Variants in GPATCH2 observed in about 807,000 individuals in gnomAD.
GPATCH2 encodes G patch domain-containing protein 2.
In GPATCH2, 51 loss-of-function variants were observed where a neutral mutation model predicts 58.0. The ratio of observed to expected loss-of-function variants is 0.88; its 90% CI spans 0.70 to 1.11. The LOEUF is 1.11. Among genes scored for constraint, GPATCH2 ranks in the 50% most tolerant of loss-of-function variants. The pLI is 0.00. For synonymous variants in GPATCH2, 222 were observed against 218.5 expected (o/e 1.02, Z -0.14); for missense variants, 625 against 652.2 (o/e 0.96, Z 0.45).
rs1663033268 is a variant in GPATCH2, at chr1:217,514,683, A to T, written c.1166+139T>A. ...TGGTTTTCGTTTAAGTTGTTCTTACATTATTATCAATGGTAAATTATACTT... is the reference window on the plus strand; with the variant it reads ...TGGTTTTCGTTTAAGTTGTTCTTACTTTATTATCAATGGTAAATTATACTT... On this transcript the variant is annotated intron_variant, in intron 6 of 9. Transcript: ENST00000366935. 2.3e-5 allele frequency: 11 copies of T among 473,304 alleles called. No individual in the cohort carries two copies. In the South Asian group the frequency reaches 6.5e-4, roughly 28 times the overall value. 29.3% of individuals were successfully genotyped at this position (473,304 alleles called of 1,614,324 possible).
chr1:217,576,741 T>C (rs1014721823), intron 5 of GPATCH2, among the ~76,000 whole-genome samples: 1 of 152,214 alleles, frequency 6.6e-6, no homozygotes, highest in Non-Finnish European at 1.5e-5. Context: ...CAGTACGGAT[T>C]TGGAATTCTA....
chr1:217,611,093 C>CG, intron 3 of GPATCH2, 22 bp from the exon 4 acceptor site: 1 of 1,589,656 alleles, frequency 6.3e-7, no homozygotes, highest in Non-Finnish European at 8.6e-7. Context: ...CAAGAAACCC[C>CG]CCCCCACCAA....
At chr1:217,449,899 G>A (rs1265571260) in intron 8 of GPATCH2, among the ~76,000 whole-genome samples, 1 of 152,058 alleles carries the variant, frequency 6.6e-6, no homozygotes, top group Non-Finnish European at 1.5e-5. Flanking sequence ...ATGCATTAAT[G>A]CTGGTCTACT....
chr1:217,462,274 G>A (rs1371509793), intron 8 of GPATCH2, among the ~76,000 whole-genome samples: 2 of 151,970 alleles, frequency 1.3e-5, no homozygotes, highest in Non-Finnish European at 2.9e-5. Flanking sequence ...CTTTTCTTTA[G>A]AAAAACATAC....
At chr1:217,550,898 T>C (rs1229925583) in intron 5 of GPATCH2, among the ~76,000 whole-genome samples, 1 of 150,848 alleles carries the variant, frequency 6.6e-6, no homozygotes, top group Non-Finnish European at 1.5e-5. Context: ...AAGTAAGGCA[T>C]GCAATAATTA....
At chr1:217,571,398 A>G (rs1008132106) in intron 5 of GPATCH2, among the ~76,000 whole-genome samples, 1 of 152,118 alleles carries the variant, frequency 6.6e-6, no homozygotes, top group African/African-American at 2.4e-5. Flanking sequence ...CCCTCCCCCA[A>G]AATGAAGCAT....
intron 5 of GPATCH2, among the ~76,000 whole-genome samples, chr1:217,539,200 A>G (rs891560186): frequency 1.3e-5 from 2 of 152,166 alleles, no homozygotes; most frequent in African/African-American, 4.8e-5. Context: ...ATTCTAATAT[A>G]TTAAGGCTAA....
chr1:217,535,112 G>A (rs906168481), intron 5 of GPATCH2, among the ~76,000 whole-genome samples: 2 of 152,184 alleles, frequency 1.3e-5, no homozygotes, highest in South Asian at 2.1e-4. Flanking sequence ...TTTCATAGAT[G>A]TTATAGCCCC....
chr1:217,434,283 G>A (rs1658705756), intron 9 of GPATCH2, among the ~76,000 whole-genome samples: 2 of 152,184 alleles, frequency 1.3e-5, no homozygotes, highest in Non-Finnish European at 2.9e-5. Context: ...TGTTGTGTGT[G>A]ACAGTGAAAA....
At chr1:217,530,892 T>C (rs1664154646) in intron 5 of GPATCH2, among the ~76,000 whole-genome samples, 1 of 152,116 alleles carries the variant, frequency 6.6e-6, no homozygotes, top group African/African-American at 2.4e-5. Flanking sequence ...GCTATAATAA[T>C]CGTCTCTAAA....
chr1:217,524,899 G>A (rs1663781007), intron 5 of GPATCH2, among the ~76,000 whole-genome samples: 4 of 3,044 alleles, frequency 1.3e-3, no homozygotes, highest in Non-Finnish European at 3.6e-3. Context: ...AGGGGGGAGG[G>A]GGGAGGGGGG....
At chr1:217,600,816 T>C (rs997480229) in intron 5 of GPATCH2, among the ~76,000 whole-genome samples, 2 of 152,096 alleles carry the variant, frequency 1.3e-5, no homozygotes, top group Non-Finnish European at 2.9e-5. Context: ...TTTAAAACAA[T>C]TTTCAAAGGT....
At chr1:217,457,576 T>G (rs1421763063) in intron 8 of GPATCH2, among the ~76,000 whole-genome samples, 1 of 152,120 alleles carries the variant, frequency 6.6e-6, no homozygotes, top group African/African-American at 2.4e-5. Flanking sequence ...ATACAATACA[T>G]GCAGAAGAAT....
chr1:217,489,413 A>G (rs1265920428), intron 8 of GPATCH2, among the ~76,000 whole-genome samples: 2 of 152,250 alleles, frequency 1.3e-5, no homozygotes, highest in Non-Finnish European at 2.9e-5. Flanking sequence ...CTAATGAAGT[A>G]GACATCTTAA....
At chr1:217,524,699 A>G (rs1259807150) in intron 5 of GPATCH2, among the ~76,000 whole-genome samples, 3 of 151,056 alleles carry the variant, frequency 2.0e-5, no homozygotes, top group Admixed American at 1.3e-4. Context: ...TCTCCACCCA[A>G]AAAATACGAA....
chr1:217,614,312 T>C, intron 2 of GPATCH2, 110 bp from the exon 3 acceptor site: 2 of 659,592 alleles, frequency 3.0e-6, no homozygotes. Context: ...CTGACAAAGA[T>C]CTGAAAGAAA....
intron 8 of GPATCH2, among the ~76,000 whole-genome samples, chr1:217,466,689 C>T (rs1660467132): frequency 6.6e-6 from 1 of 151,884 alleles, no homozygotes; most frequent in South Asian, 2.1e-4. Context: ...GGGAGAGGGC[C>T]TGAAACTGTT....
At chr1:217,506,201 T>C (rs1662553460) in intron 6 of GPATCH2, among the ~76,000 whole-genome samples, 1 of 152,230 alleles carries the variant, frequency 6.6e-6, no homozygotes. Context: ...TTTCCATTAT[T>C]GTAAAGAGTT....
chr1:217,576,057 TATATTAA>T (rs1370562313), intron 5 of GPATCH2, among the ~76,000 whole-genome samples: 2 of 152,242 alleles, frequency 1.3e-5, no homozygotes, highest in Admixed American at 6.5e-5. Context: ...ACAAAAGGCA[TATATTAA>T]AACATAGGTA....
Sources: allele counts gnomAD v4.1 joint callset (sites outside exome capture counted in the v4.1 genomes callset), GRCh38; gene constraint gnomAD v4.1.1; transcripts MANE v1.5; gene names NCBI Gene and HGNC (gene_info 2026-07-23, HGNC 2026-07-21).